Variants in NMRK2 observed in about 807,000 individuals in gnomAD.
NMRK2 encodes the protein nicotinamide riboside kinase 2.
Under a neutral mutation model 24.7 loss-of-function variants are expected in NMRK2, and 34 were observed. The ratio of observed to expected loss-of-function variants is 1.37; its 90% confidence interval spans 1.05 to 1.83. The LOEUF (loss-of-function observed/expected upper bound fraction) is 1.83. NMRK2 is among the 40% of genes most tolerant of loss of function. NMRK2 has a pLI of 0.00. For missense variants in NMRK2, 341 were observed against 315.0 expected (o/e 1.08, Z -0.62); for synonymous variants, 145 against 125.6 (o/e 1.15, Z -1.03).
rs568033275 is a variant in NMRK2, at chr19:3,942,125, A to C, written c.545A>C (p.Glu182Ala). 5.6e-6 allele frequency: 9 copies of C among 1,613,172 alleles called. No homozygotes were observed. Among genetic ancestry groups the C allele is most frequent in the Non-Finnish European group, 7.6e-6 (9 of 1,180,016 alleles). Residue 182 changes from glutamate to alanine, a missense_variant, in exon 8 of 8, where the codon GAA (glutamate) becomes GCA (alanine). Glu to Ala is a moderately radical substitution (Grantham distance 107). Coordinates refer to ENST00000168977, the MANE Select transcript of NMRK2 (RefSeq NM_170678.3). ...AAGTCCCGAGAGGAGCTCTTCCGTG[A>C]AGTCCTGGAAGACATTCAGAACTCG... ...GMKSREELFREVLEDIQNSLL... is the reference protein window; with the variant it reads ...GMKSREELFRAVLEDIQNSLL...
In NMRK2 at chr19:3,941,611, C is replaced by T. The variant is rs116589415; in HGVS notation, c.502+434C>T. 3.9e-3 allele frequency among the ~76,000 whole-genome samples: 596 copies of T among 151,852 alleles called. 3 individuals are homozygous for T. The highest frequency in any genetic ancestry group is 0.014 in the African/African-American group (559 of 41,396). ...AGGACCTTTGGAAACCTGGACATTC[C>T]TCCGTGAGCCTCGCCCCCAGTCCCT... is the stretch of plus-strand genomic sequence containing the variant. On this transcript the variant is annotated intron_variant, in intron 7 of 7. Transcript: ENST00000168977.
Position 3,933,610 on chromosome 19 carries a change from T to TGCGTGGTCGCACC in NMRK2, c.-61_-49dup, listed in dbSNP as rs1389638394. 5.0e-5 allele frequency: 76 copies of TGCGTGGTCGCACC among 1,511,948 alleles called. No homozygotes were observed. The South Asian group carries it at 7.9e-4, about 16-fold the overall frequency. 93.7% of individuals were successfully genotyped at this position (1,511,948 alleles called of 1,614,324 possible). A position where few individuals can be genotyped will look rare whatever the true frequency, so the allele number is the denominator to read the frequency against. ...AGCCGGGACGCACTCCGGAGCGCAC[T>TGCGTGGTCGCACC]GCGTGGTCGCACCCTACCCGGGCTG... On this transcript the variant is annotated 5_prime_UTR_variant, in exon 2 of 8. Transcript: ENST00000168977.
chr19:3,936,927 G>A (rs1237275892), intron 3 of NMRK2, among the ~76,000 whole-genome samples: 2 of 152,196 alleles, frequency 1.3e-5, no homozygotes, highest in Non-Finnish European at 2.9e-5. Flanking sequence ...CCAGTTAGAT[G>A]GATGGGAAAG....
Position 3,941,194 on chromosome 19 carries a change from G to A in NMRK2, c.502+17G>A, listed in dbSNP as rs748875251. On this transcript the variant is annotated intron_variant, in intron 7 of 7. Transcript: ENST00000168977. ...TGGAAGTGGGTAAGCCCCTGAGCAT[G>A]ACCAGGCCTTGCCCCGGGCGGGCGG... is the stretch of plus-strand genomic sequence containing the variant. 1 of 852,820 alleles carries A rather than the reference G, an allele frequency of 1.2e-6. No individual in the cohort carries two copies. Among genetic ancestry groups the A allele is most frequent in the Non-Finnish European group, 1.8e-6 (1 of 552,682 alleles). 52.8% of individuals were successfully genotyped at this position (852,820 alleles called of 1,614,324 possible).
At chr19:3,934,565 T>TG (rs1354171173) in intron 2 of NMRK2, among the ~76,000 whole-genome samples, 1,354 of 132,670 alleles carry the variant, frequency 0.01, 12 homozygotes, top group African/African-American at 0.028. Flanking sequence ...TTTTTTTTTT[T>TG]GGGGGGGGGG....
intron 5 of NMRK2, among the ~76,000 whole-genome samples, chr19:3,939,585 C>A (rs1340673941): frequency 6.6e-6 from 1 of 152,132 alleles, no homozygotes; most frequent in Non-Finnish European, 1.5e-5. Context: ...CTGAGTCTTT[C>A]TTCTGGAACC....
rs2039325697 is a variant in NMRK2, at chr19:3,941,170, G to A, written c.495G>A (p.Val165=). 1 of 1,566,540 alleles carries A rather than the reference G, an allele frequency of 6.4e-7. No homozygotes were observed. Among genetic ancestry groups the A allele is most frequent in the East Asian group, 2.4e-5 (1 of 41,234 alleles). The change falls in exon 7 of 8, where the codon GTG becomes GTA. Residue 165 remains valine, a synonymous_variant. Coordinates refer to ENST00000168977, the MANE Select transcript of NMRK2 (RefSeq NM_170678.3). ...KYRQEMEANG[V]EVVYLDGMKS... ...GGCAGGAGATGGAGGCCAACGGTGT[G>A]GAAGTGGGTAAGCCCCTGAGCATGA...
Position 3,942,158 on chromosome 19 carries a change from A to T in NMRK2, c.578A>T (p.Asn193Ile). The change falls in exon 8 of 8, where the codon AAC becomes ATC. Residue 193 changes from asparagine to isoleucine, a missense_variant. Coordinates refer to ENST00000168977, the MANE Select transcript of NMRK2 (RefSeq NM_170678.3). ...GAAGACATTCAGAACTCGCTGCTGAACCGCTCCCAGGAATCAGCCCCCTCC... is the reference window on the plus strand; with the variant it reads ...GAAGACATTCAGAACTCGCTGCTGATCCGCTCCCAGGAATCAGCCCCCTCC... ...VLEDIQNSLL[N>I]RSQESAPSPA... 6.2e-7 allele frequency: 1 copy of T among 1,613,236 alleles called. No individual in the cohort carries two copies. Among genetic ancestry groups the T allele is most frequent in the Non-Finnish European group, 8.5e-7 (1 of 1,179,978 alleles).
intron 4 of NMRK2, among the ~76,000 whole-genome samples, chr19:3,937,906 C>T (rs1351339486): frequency 3.3e-5 from 4 of 119,966 alleles, no homozygotes; most frequent in Admixed American, 1.6e-4. Context: ...TGCCCGCTCC[C>T]CGTCCACTGT....
intron 4 of NMRK2, among the ~76,000 whole-genome samples, chr19:3,938,153 G>A (rs1190050220): frequency 5.0e-5 from 6 of 120,594 alleles, no homozygotes; most frequent in Admixed American, 8.4e-5. Flanking sequence ...CTGTCCCCCC[G>A]GGGTCCACCC....
chr19:3,938,721 C>A lies in NMRK2; in HGVS notation c.285C>A (p.His95Gln), dbSNP rs756363921. The A allele has an allele frequency of 6.2e-7, 1 of 1,610,318 alleles. No homozygotes were observed. Among genetic ancestry groups the A allele is most frequent in the Non-Finnish European group, 8.5e-7 (1 of 1,178,288 alleles). The change falls in exon 5 of 8, where the codon CAC becomes CAA. Residue 95 changes from histidine (H) to glutamine (Q), a missense_variant. Physicochemically the swap from His to Gln is conservative, Grantham distance 24. Transcript: ENST00000168977. ...VSVQPEASDTHILLLEGFLLY... is the reference protein window; with the variant it reads ...VSVQPEASDTQILLLEGFLLY... ...TCCAGCCAGAGGCCTCGGACACCCA[C>A]ATCCTCCTCCTGGAAGGCTTCCTGC... is the stretch of plus-strand genomic sequence containing the variant.
At chr19:3,936,531 T>C in intron 2 of NMRK2, 44 bp from the exon 3 acceptor site, 2 of 1,461,520 alleles carry the variant, frequency 1.4e-6, no homozygotes, top group Admixed American at 2.2e-5. Context: ...CCTGACCTTC[T>C]TGGGGGGAGC....
chr19:3,937,195 G>A, intron 3 of NMRK2, 45 bp from the exon 4 acceptor site: 1 of 1,607,516 alleles, frequency 6.2e-7, no homozygotes, highest in Non-Finnish European at 8.5e-7. Flanking sequence ...CGGGGGTGAG[G>A]CAGGACCGGG....
At position 3,939,986 on chromosome 19, in the gene NMRK2, T is replaced by TG; in HGVS notation, c.395+20dup. 6.2e-7 allele frequency: 1 copy of TG among 1,608,898 alleles called. No homozygotes were observed. ...TGGAGGAGAAGGTGCACTTGGTGTC[T>TG]GGGGGTGCGGTGGGCTCCTGAGGGC... On this transcript the variant is annotated intron_variant, in intron 6 of 7. Transcript: ENST00000168977.
At position 3,937,258 on chromosome 19, in the gene NMRK2, G is replaced by C; in HGVS notation, c.136G>C (p.Val46Leu). 6.2e-7 allele frequency: 1 copy of C among 1,613,322 alleles called. No homozygotes were observed. Among genetic ancestry groups the C allele is most frequent in the East Asian group, 2.2e-5 (1 of 44,880 alleles). Residue 46 changes from valine to leucine, a missense_variant, in exon 4 of 8, where the codon GTT becomes CTT. Transcript: ENST00000168977. ...GTTTCAGCCCCAAGACCAAATAGCA[G>C]TTGGGGAAGACGGCTTCAAACAGTG... ...DFFKPQDQIA[V>L]GEDGFKQWDV...
At chr19:3,940,734 C>CA (rs752138779) in intron 6 of NMRK2, among the ~76,000 whole-genome samples, 13,524 of 73,812 alleles carry the variant, frequency 0.18, 1,261 homozygotes, top group African/African-American at 0.36. Context: ...GATTCCATCT[C>CA]AAAAAAAAAA....
At chr19:3,941,862 C>T (rs930194646) in intron 7 of NMRK2, among the ~76,000 whole-genome samples, 4 of 152,178 alleles carry the variant, frequency 2.6e-5, no homozygotes, top group Admixed American at 6.5e-5. Flanking sequence ...AGGCTGGTTT[C>T]GAACTCCTGA....
At chr19:3,940,626 T>C (rs1430982366) in intron 6 of NMRK2, among the ~76,000 whole-genome samples, 1 of 150,446 alleles carries the variant, frequency 6.6e-6, no homozygotes, top group Non-Finnish European at 1.5e-5. Context: ...TCCCAGCTAC[T>C]CAGGAGGCTG....
At chr19:3,936,105 G>A (rs903636922) in intron 2 of NMRK2, among the ~76,000 whole-genome samples, 1 of 152,084 alleles carries the variant, frequency 6.6e-6, no homozygotes, top group Non-Finnish European at 1.5e-5. Context: ...CAGCTACTTG[G>A]GAGGCTGAGG....
Sources: allele counts gnomAD v4.1 joint callset (sites outside exome capture counted in the v4.1 genomes callset), GRCh38; gene constraint gnomAD v4.1.1; transcripts MANE v1.5; gene names NCBI Gene and HGNC (gene_info 2026-07-23, HGNC 2026-07-21).